Variants in EIF4B observed in about 807,000 individuals in gnomAD.
EIF4B encodes eukaryotic translation initiation factor 4B.
EIF4B carries 8 observed loss-of-function variants against 79.3 expected under a neutral mutation model. That is an observed-to-expected ratio of 0.10 (90% confidence interval 0.06 to 0.18). EIF4B has a LOEUF of 0.18. EIF4B is among the 10% of genes least tolerant of loss of function. The pLI is 1.00. For synonymous variants in EIF4B, 238 were observed against 274.7 expected, an observed-to-expected ratio of 0.87 and a Z score of 1.32; for missense variants, 515 against 792.4, an observed-to-expected ratio of 0.65 and a Z score of 4.20.
At chr12:53,038,445 C>CT (rs753458861) in intron 12 of EIF4B, 34 bp downstream of exon 12, 8 of 1,539,446 alleles carry the variant, frequency 5.2e-6, no homozygotes, top group Non-Finnish European at 6.1e-6. Context: ...GGTTTTTCAC[C>CT]TAGAAGCCTA....
intron 6 of EIF4B, among the ~76,000 whole-genome samples, chr12:53,024,152 A>G (rs1005500906): frequency 1.3e-5 from 2 of 152,198 alleles, no homozygotes; most frequent in Admixed American, 1.3e-4. Flanking sequence ...AGGAGTAGAG[A>G]TTAATTACAT....
In EIF4B at chr12:53,028,177, G is replaced by T; in HGVS notation, c.968G>T (p.Arg323Leu). The T allele has an allele frequency of 6.3e-7, 1 of 1,594,556 alleles. No homozygotes were observed. Among genetic ancestry groups the T allele is most frequent in the Non-Finnish European group, 8.5e-7 (1 of 1,173,398 alleles). Residue 323 changes from arginine (R) to leucine (L), a missense_variant, in exon 8 of 15, where the codon CGT becomes CTT. Arg to Leu is a moderately radical substitution (Grantham distance 102). Coordinates refer to ENST00000262056, the MANE Select transcript of EIF4B (RefSeq NM_001417.7). ...RDDYSRDDYRRDDRGPPQRPK... is the reference protein window; with the variant it reads ...RDDYSRDDYRLDDRGPPQRPK... ...GATTACTCTCGGGATGATTATAGGCGTGATGATAGAGGTAATAGTTTTCTT... is the reference window on the plus strand; with the variant it reads ...GATTACTCTCGGGATGATTATAGGCTTGATGATAGAGGTAATAGTTTTCTT...
chr12:53,006,623 G>T, intron 1 of EIF4B, 127 bp downstream of exon 1: 8 of 1,543,746 alleles, frequency 5.2e-6, no homozygotes, highest in Non-Finnish European at 6.2e-6. Context: ...GCTGCGGCAG[G>T]CTGGCGGCGT....
At chr12:53,014,660 A>C (rs1031020036) in intron 1 of EIF4B, 6 of 152,176 alleles carry the variant, frequency 3.9e-5, no homozygotes, top group African/African-American at 1.4e-4. Flanking sequence ...TTATTTCCTG[A>C]AAGTTAAATT....
intron 8 of EIF4B, among the ~76,000 whole-genome samples, chr12:53,031,688 A>G (rs1233567541): frequency 6.6e-6 from 1 of 152,258 alleles, no homozygotes; most frequent in Non-Finnish European, 1.5e-5. Flanking sequence ...AACATATATA[A>G]ACTGTCGGCT....
intron 6 of EIF4B, among the ~76,000 whole-genome samples, chr12:53,026,211 T>A (rs565038431): frequency 6.6e-6 from 1 of 151,596 alleles, no homozygotes; most frequent in Admixed American, 6.6e-5. Flanking sequence ...AAATTCAGAT[T>A]TTTTTTTTAA....
At position 53,039,309 on chromosome 12, in the gene EIF4B, G is replaced by A. The variant is rs1338535224; in HGVS notation, c.1648G>A (p.Gly550Arg). 16 of 1,609,872 alleles carry A rather than the reference G, an allele frequency of 9.9e-6. No homozygotes were observed. The highest frequency in any genetic ancestry group is 4.5e-5 in the East Asian group (2 of 44,842). The change falls in exon 13 of 15, where the codon GGA becomes AGA. Residue 550 changes from glycine to arginine, a missense_variant. Gly to Arg is a moderately radical substitution (Grantham distance 125). Around this residue, in one of 6 missense-constraint regions of EIF4B, gnomAD observed 146 missense variants for 228.0 expected, o/e 0.64. Coordinates refer to ENST00000262056, the MANE Select transcript of EIF4B (RefSeq NM_001417.7). ...GAACTCTAGCCGTGGTCCAGGCGAC[G>A]GAGGGAACAGAGACCACTGGAAGGA... ...TGNSSRGPGDGGNRDHWKESD... is the reference protein window; with the variant it reads ...TGNSSRGPGDRGNRDHWKESD...
chr12:53,035,055 G>A (rs1943516643), intron 10 of EIF4B, among the ~76,000 whole-genome samples: 1 of 146,750 alleles, frequency 6.8e-6, no homozygotes, highest in Admixed American at 7.0e-5. Flanking sequence ...AGTTTCATGT[G>A]AGCTGTCCCA....
At chr12:53,012,597 C>CT (rs544968494) in intron 1 of EIF4B, among the ~76,000 whole-genome samples, 2,171 of 141,540 alleles carry the variant, frequency 0.015, 51 homozygotes, top group African/African-American at 0.047. Flanking sequence ...TTTTTTTTTC[C>CT]TTTTTTTTTT....
chr12:53,017,267 A>T (rs937887880), intron 2 of EIF4B, among the ~76,000 whole-genome samples: 58 of 140,312 alleles, frequency 4.1e-4, no homozygotes, highest in Middle Eastern at 3.9e-3. Context: ...AAAAAAAAAA[A>T]GTGATGTTTC....
chr12:53,024,494 A>G (rs1309742076), intron 6 of EIF4B, among the ~76,000 whole-genome samples: 4 of 152,218 alleles, frequency 2.6e-5, no homozygotes, highest in Admixed American at 6.5e-5. Flanking sequence ...TTTAGTCTGT[A>G]ACATATTTCT....
intron 6 of EIF4B, among the ~76,000 whole-genome samples, chr12:53,024,626 G>A (rs754830913): frequency 4.6e-5 from 7 of 152,102 alleles, no homozygotes; most frequent in Admixed American, 1.3e-4. Context: ...AGTAAAAACA[G>A]ACCAACTTAA....
At chr12:53,037,668 A>T in intron 11 of EIF4B, 46 bp downstream of exon 11, 2 of 1,593,778 alleles carry the variant, frequency 1.3e-6, no homozygotes, top group Non-Finnish European at 1.7e-6. Flanking sequence ...AGATTCTAAA[A>T]TACTGTGATG....
chr12:53,020,765 C>T (rs1451312814), intron 4 of EIF4B, among the ~76,000 whole-genome samples: 1 of 152,044 alleles, frequency 6.6e-6, no homozygotes, highest in Non-Finnish European at 1.5e-5. Flanking sequence ...ATCATGATAA[C>T]CTGTAGTCAG....
At chr12:53,036,127 T>A (rs1053865681) in intron 10 of EIF4B, among the ~76,000 whole-genome samples, 63 of 150,706 alleles carry the variant, frequency 4.2e-4, no homozygotes, top group African/African-American at 1.5e-3. Flanking sequence ...ATTTATTTAT[T>A]TTGAGACGGA....
intron 8 of EIF4B, among the ~76,000 whole-genome samples, chr12:53,030,865 A>C (rs1022043965): frequency 7.2e-5 from 11 of 152,086 alleles, no homozygotes; most frequent in African/African-American, 2.7e-4. Context: ...GTAAAATTAC[A>C]AGTTAGAAAA....
chr12:53,037,359 C>G (rs556928639), intron 10 of EIF4B, 50 bp from the exon 11 acceptor site: 1 of 1,567,554 alleles, frequency 6.4e-7, no homozygotes, highest in South Asian at 1.2e-5. Context: ...CTGGTAGATG[C>G]GTGAGCATCT....
intron 12 of EIF4B, 100 bp downstream of exon 12, chr12:53,038,511 C>A (rs1260789207): frequency 9.0e-6 from 11 of 1,225,450 alleles, no homozygotes; most frequent in Non-Finnish European, 1.2e-5. Context: ...GCACCTGATA[C>A]CGTGTTAAGA....
chr12:53,014,322 G>A (rs978993181), intron 1 of EIF4B, among the ~76,000 whole-genome samples: 1 of 150,842 alleles, frequency 6.6e-6, no homozygotes, highest in Non-Finnish European at 1.5e-5. Flanking sequence ...TGAGGCAGGA[G>A]AAATTGCTTG....
Sources: gnomAD v4.1 joint callset for allele counts (sites outside exome capture counted in the v4.1 genomes callset) on GRCh38, gnomAD v4.1.1 for gene constraint, gnomAD v4.1.1 regional missense constraint, MANE v1.5 for transcripts, NCBI Gene and HGNC (gene_info 2026-07-23, HGNC 2026-07-21) for gene names.